KLRC3: variants seen among roughly 807,000 people sequenced by gnomAD.
KLRC3 encodes the protein killer cell lectin like receptor C3, also known as NKG2-E type II integral membrane protein.
A neutral mutation model predicts 23.6 loss-of-function variants in KLRC3; 16 were observed. That is an observed-to-expected ratio of 0.68 (90% confidence interval 0.46 to 1.03). The LOEUF (loss-of-function observed/expected upper bound fraction) is 1.03, where lower values mean the gene tolerates loss of function less well. Among genes scored for constraint, KLRC3 ranks in the 50% least tolerant of loss-of-function variants. The pLI is 0.00. For missense variants in KLRC3, 209 were observed against 232.2 expected (o/e 0.90, Z 0.65); for synonymous variants, 70 against 71.8 (o/e 0.98, Z 0.13).
rs549999192 is a variant in KLRC3, at chr12:10,418,534, G to T, written c.332-36C>A. On this transcript the variant is annotated intron_variant, in intron 3 of 6. Coordinates refer to ENST00000396439, the MANE Select transcript of KLRC3 (RefSeq NM_002261.3). ...TATGAATTACTATCTAGACCAATAT[G>T]AATTTTTAAAAATGAAAATTAGTTC... 403 of 1,518,268 alleles carry T rather than the reference G, an allele frequency of 2.7e-4. 5 individuals are homozygous for T. In the South Asian group the frequency reaches 4.2e-3, roughly 16 times the overall value. The allele number at this position is 1,518,268 out of a possible 1,614,324, so 94.0% of individuals were successfully genotyped here. A position where few individuals can be genotyped will look rare whatever the true frequency, so the allele number is the denominator to read the frequency against.
chr12:10,415,843 C>A, intron 5 of KLRC3, 49 bp from the exon 6 acceptor site: 2 of 1,357,204 alleles, frequency 1.5e-6, no homozygotes, highest in Non-Finnish European at 2.1e-6. Flanking sequence ...TGCAAATGAC[C>A]CATGAGACAA....
intron 4 of KLRC3, among the ~76,000 whole-genome samples, 189 bp from the exon 5 acceptor site, chr12:10,416,956 T>C (rs1863653937): frequency 1.3e-5 from 2 of 152,070 alleles, no homozygotes; most frequent in African/African-American, 4.8e-5. Context: ...AATAAAGACA[T>C]TTTAATTCTT....
rs560598198 is a variant in KLRC3, at chr12:10,420,445, G to T, written c.106C>A (p.Gln36Lys). 1.2e-6 allele frequency: 2 copies of T among 1,613,474 alleles called. No homozygotes were observed. Among genetic ancestry groups the T allele is most frequent in the East Asian group, 4.5e-5 (2 of 44,822 alleles). Residue 36 changes from glutamine (Q) to lysine (K), a missense_variant, in exon 1 of 7, where the codon CAG (glutamine) becomes AAG (lysine). Gln to Lys is a moderately conservative substitution (Grantham distance 53). Coordinates refer to ENST00000396439, the MANE Select transcript of KLRC3 (RefSeq NM_002261.3). ...GNKSSISGTE[Q>K]EIFQVELNLQ... ...TTTAATTCTACTTGGAATATTTCCT[G>T]TTCGGTTCCTGAAATGGAGCTTTTA...
intron 5 of KLRC3, among the ~76,000 whole-genome samples, chr12:10,416,260 A>G (rs998988530): frequency 6.6e-6 from 1 of 152,232 alleles, no homozygotes; most frequent in Non-Finnish European, 1.5e-5. Context: ...CTTACGGCCC[A>G]TGGGCCGCAT....
At chr12:10,415,258 A>G (rs2682501) in intron 6 of KLRC3, among the ~76,000 whole-genome samples, 2,113 of 152,310 alleles carry the variant, frequency 0.014, 43 homozygotes, top group African/African-American at 0.048. Context: ...TAGTGTATTC[A>G]CAGAGTTACA....
chr12:10,412,522 G>A lies in KLRC3; in HGVS notation c.*50C>T, dbSNP rs1034231524. The A allele has an allele frequency of 3.6e-5, 25 of 701,994 alleles. No individual in the cohort carries two copies. Among genetic ancestry groups the A allele is most frequent in the Admixed American group, 6.0e-5 (3 of 49,962 alleles). 43.5% of individuals were successfully genotyped at this position (701,994 alleles called of 1,614,324 possible). A position where few individuals can be genotyped will look rare whatever the true frequency, so the allele number is the denominator to read the frequency against. On this transcript the variant is annotated 3_prime_UTR_variant, in exon 7 of 7. Coordinates refer to ENST00000396439, the MANE Select transcript of KLRC3 (RefSeq NM_002261.3). ...TGAGCACTCAGGGGCGGTGGCTTGTGTCAGTAATCCCAGCAACTTGGGAGG... is the reference window on the plus strand; with the variant it reads ...TGAGCACTCAGGGGCGGTGGCTTGTATCAGTAATCCCAGCAACTTGGGAGG...
Position 10,415,768 on chromosome 12 carries a change from C to A in KLRC3, c.614G>T (p.Arg205Leu), listed in dbSNP as rs370768044. The A allele has an allele frequency of 3.7e-6, 6 of 1,611,506 alleles. No homozygotes were observed. The highest frequency in any genetic ancestry group is 2.2e-5 in the South Asian group (2 of 90,530). ...ACGTACATGTAGCATTGCACAGTTA[C>A]GTTCAGCATGATCTGAGTCTTTTAT... is the stretch of plus-strand genomic sequence containing the variant. Reference protein sequence around the residue: ...HEIKDSDHAERNCAMLHVRGL... With the variant: ...HEIKDSDHAELNCAMLHVRGL... Residue 205 changes from arginine (R) to leucine (L), a missense_variant, in exon 6 of 7, where the codon CGT becomes CTT. Physicochemically the swap from Arg to Leu is moderately radical, Grantham distance 102. This residue lies in a region of KLRC3 where 74 missense variants were observed against 51.0 expected (regional missense o/e 1.45). Coordinates refer to ENST00000396439, the MANE Select transcript of KLRC3 (RefSeq NM_002261.3).
Position 10,419,909 on chromosome 12 carries a change from A to C in KLRC3, c.243T>G (p.Ile81Met), listed in dbSNP as rs1301303279. The C allele has an allele frequency of 1.7e-6, 1 of 580,494 alleles. No homozygotes were observed. The highest frequency in any genetic ancestry group is 2.9e-6 in the Non-Finnish European group (1 of 342,640). 36.0% of individuals were successfully genotyped at this position (580,494 alleles called of 1,614,324 possible). A position where few individuals can be genotyped will look rare whatever the true frequency, so the allele number is the denominator to read the frequency against. ...TTTTTAACACAGTGGCCATCAGGAC[A>C]ATGCAAATGATTCCTAGGACCTCGG... ...LTAEVLGIIC[I>M]VLMATVLKTI... Residue 81 changes from isoleucine to methionine, a missense_variant, in exon 2 of 7, where the codon ATT becomes ATG. Ile to Met is a conservative substitution (Grantham distance 10). Around this residue, in one of 4 missense-constraint regions of KLRC3, gnomAD observed 109 missense variants for 113.2 expected, o/e 0.96. Transcript: ENST00000396439.
At chr12:10,415,583 C>A in intron 6 of KLRC3, 121 bp downstream of exon 6, 1 of 1,438,298 alleles carries the variant, frequency 7.0e-7, no homozygotes, top group Non-Finnish European at 9.4e-7. Flanking sequence ...ATTATTAGAG[C>A]AAATAACACA....
intron 6 of KLRC3, among the ~76,000 whole-genome samples, chr12:10,414,405 T>C (rs547097714): frequency 3.3e-5 from 5 of 151,902 alleles, no homozygotes; most frequent in African/African-American, 1.2e-4. Context: ...GAATAATATG[T>C]TGAATTATTT....
chr12:10,412,372 G>T lies in KLRC3; in HGVS notation c.*200C>A. ...GGTCTGCATTTTAATATTAATATTT[G>T]TTGTAAATGACTAATGCTTAAATCA... On this transcript the variant is annotated 3_prime_UTR_variant, in exon 7 of 7. Transcript: ENST00000396439. 1 of 572,964 alleles carries T rather than the reference G, an allele frequency of 1.7e-6. No individual in the cohort carries two copies. The highest frequency in any genetic ancestry group is 3.1e-6 in the Non-Finnish European group (1 of 325,862). 35.5% of individuals were successfully genotyped at this position (572,964 alleles called of 1,614,324 possible).
chr12:10,418,623 A>T (rs1863679421), intron 3 of KLRC3, 125 bp from the exon 4 acceptor site: 2 of 1,160,364 alleles, frequency 1.7e-6, no homozygotes, highest in Non-Finnish European at 2.4e-6. Context: ...ACAGGCTTAT[A>T]AGTATATATT....
chr12:10,420,325 C>T (rs776215667), intron 1 of KLRC3, 39 bp downstream of exon 1: 1 of 1,597,048 alleles, frequency 6.3e-7, no homozygotes. Context: ...AACTGCACAT[C>T]CCAGAACAAT....
intron 4 of KLRC3, 31 bp downstream of exon 4, chr12:10,418,313 T>C: frequency 6.5e-7 from 1 of 1,548,124 alleles, no homozygotes; most frequent in South Asian, 1.1e-5. Flanking sequence ...AAGAAGCTTT[T>C]CATAAAATGT....
chr12:10,418,966 A>G (rs1274082760), intron 3 of KLRC3, 78 bp downstream of exon 3: 42 of 317,184 alleles, frequency 1.3e-4, no homozygotes, highest in Non-Finnish European at 2.4e-4. Context: ...CAAAAATGCC[A>G]CTATTCTTTT....
At chr12:10,413,300 A>G (rs190970681) in intron 6 of KLRC3, among the ~76,000 whole-genome samples, 1 of 152,316 alleles carries the variant, frequency 6.6e-6, no homozygotes, top group Admixed American at 6.5e-5. Flanking sequence ...GAAATTATCA[A>G]GATGAATGGT....
chr12:10,416,569 C>T (rs1367838125), intron 5 of KLRC3, 98 bp downstream of exon 5: 11 of 1,390,580 alleles, frequency 7.9e-6, no homozygotes, highest in Admixed American at 4.5e-5. Context: ...CTTTCCACAT[C>T]TTTCTTCATA....
rs776916790 is a variant in KLRC3, at chr12:10,418,506, A to G, written c.332-8T>C. ...AATGGCCACAATGACGTGCTAATAA[A>G]GATATGAATTACTATCTAGACCAAT... On this transcript the variant is annotated splice_region_variant and splice_polypyrimidine_tract_variant and intron_variant, in intron 3 of 6. Transcript: ENST00000396439. 4 of 1,568,510 alleles carry G rather than the reference A, an allele frequency of 2.6e-6. No homozygotes were observed. The African/African-American group carries it at 5.4e-5, about 21-fold the overall frequency.
chr12:10,415,969 T>C (rs1863636711), intron 5 of KLRC3, among the ~76,000 whole-genome samples, 175 bp from the exon 6 acceptor site: 1 of 152,166 alleles, frequency 6.6e-6, no homozygotes. Context: ...TCCCCCTTCA[T>C]CCACGGGGGA....
Sources: allele counts gnomAD v4.1 joint callset (sites outside exome capture counted in the v4.1 genomes callset), GRCh38; gene constraint gnomAD v4.1.1; regional missense constraint gnomAD v4.1.1; transcripts MANE v1.5; gene names NCBI Gene and HGNC (gene_info 2026-07-23, HGNC 2026-07-21).